The following CDH10 variants were observed in gnomAD, a reference collection of about 807,000 sequenced individuals.
The protein encoded by CDH10 is cadherin 10, also known as cadherin-10.
In CDH10, 30 loss-of-function variants were observed where a neutral mutation model predicts 73.1. The ratio of observed to expected loss-of-function variants is 0.41; its 90% CI spans 0.31 to 0.56. The LOEUF (loss-of-function observed/expected upper bound fraction) is 0.56. Among genes scored for constraint, CDH10 ranks in the 20% least tolerant of loss-of-function variants. The pLI is 0.27. For synonymous variants in CDH10, 345 were observed against 348.2 expected, an observed-to-expected ratio of 0.99 and a Z score of 0.10; for missense variants, 815 against 973.7, an observed-to-expected ratio of 0.84 and a Z score of 2.17.
At chr5:24,493,608 T>A (rs981866145) in intron 9 of CDH10, among the ~76,000 whole-genome samples, 1 of 152,058 alleles carries the variant, frequency 6.6e-6, no homozygotes, top group East Asian at 1.9e-4. Context: ...GATTAACTAA[T>A]ATACAAATAT....
At chr5:24,541,415 C>G (rs1418528352) in intron 2 of CDH10, among the ~76,000 whole-genome samples, 1 of 151,968 alleles carries the variant, frequency 6.6e-6, no homozygotes, top group East Asian at 1.9e-4. Context: ...GAGTAATGAT[C>G]AGACAAGGGT....
At chr5:24,491,421 A>G (rs1474843824) in intron 11 of CDH10, among the ~76,000 whole-genome samples, 155 bp downstream of exon 11, 1 of 152,172 alleles carries the variant, frequency 6.6e-6, no homozygotes, top group Non-Finnish European at 1.5e-5. Context: ...ATTCCGATCA[A>G]ATAAAGTATT....
At chr5:24,573,377 G>A (rs1745467709) in intron 2 of CDH10, among the ~76,000 whole-genome samples, 1 of 151,962 alleles carries the variant, frequency 6.6e-6, no homozygotes, top group Non-Finnish European at 1.5e-5. Flanking sequence ...TTGTTTCCAA[G>A]AGTACCAGAA....
chr5:24,554,473 CGTGTGTGTGTGTGTGTGT>C (rs70965612), intron 2 of CDH10, among the ~76,000 whole-genome samples: 15 of 149,442 alleles, frequency 1.0e-4, no homozygotes, highest in East Asian at 2.0e-4. Flanking sequence ...TCTCCCTATT[CGTGTGTGTGTGTGTGTGT>C]GTGTGTGTGT....
intron 1 of CDH10, among the ~76,000 whole-genome samples, chr5:24,625,889 T>G (rs983369178): frequency 2.0e-5 from 3 of 151,966 alleles, no homozygotes; most frequent in Admixed American, 6.6e-5. Context: ...GTAATCATGA[T>G]CTGAAAAAAT....
At chr5:24,575,357 A>AC (rs375301893) in intron 2 of CDH10, among the ~76,000 whole-genome samples, 16,918 of 143,826 alleles carry the variant, frequency 0.12, 926 homozygotes, top group Admixed American at 0.16. Flanking sequence ...AAAAACAACA[A>AC]AAAAAAAAAA....
At chr5:24,574,177 C>T (rs866249632) in intron 2 of CDH10, among the ~76,000 whole-genome samples, 1 of 152,142 alleles carries the variant, frequency 6.6e-6, no homozygotes, top group African/African-American at 2.4e-5. Context: ...TGAGCCACTG[C>T]GCCCGGCCTA....
chr5:24,521,953 G>T (rs1743347806), intron 5 of CDH10, among the ~76,000 whole-genome samples: 1 of 152,016 alleles, frequency 6.6e-6, no homozygotes, highest in Non-Finnish European at 1.5e-5. Context: ...GGCCAATATG[G>T]TGAAACCCTG....
chr5:24,628,387 T>C (rs1747580883), intron 1 of CDH10, among the ~76,000 whole-genome samples: 1 of 152,120 alleles, frequency 6.6e-6, no homozygotes, highest in East Asian at 1.9e-4. Context: ...GGAGACAAAC[T>C]GCAGACACCA....
intron 1 of CDH10, among the ~76,000 whole-genome samples, chr5:24,608,291 GT>G (rs112136844): frequency 1.2e-4 from 18 of 151,064 alleles, no homozygotes; most frequent in East Asian, 5.8e-4. Context: ...CATTTTGAAT[GT>G]TTTTTTTTAT....
chr5:24,519,394 A>G (rs1036177751), intron 5 of CDH10, among the ~76,000 whole-genome samples: 12 of 152,198 alleles, frequency 7.9e-5, no homozygotes, highest in Non-Finnish European at 1.8e-4. Flanking sequence ...TCAAACTAAA[A>G]CCTTCTATAA....
chr5:24,535,020 A>G, intron 5 of CDH10, 92 bp downstream of exon 5: 1 of 1,157,748 alleles, frequency 8.6e-7, no homozygotes, highest in Non-Finnish European at 1.2e-6. Flanking sequence ...TAAATGAATG[A>G]CAATTGCTTT....
intron 9 of CDH10, among the ~76,000 whole-genome samples, chr5:24,495,547 C>G (rs1742241193): frequency 6.6e-6 from 1 of 152,040 alleles, no homozygotes; most frequent in South Asian, 2.1e-4. Context: ...TTCCTTTGTG[C>G]TAGTAAAATG....
At chr5:24,597,654 G>T (rs1297525244) in intron 1 of CDH10, among the ~76,000 whole-genome samples, 1 of 151,864 alleles carries the variant, frequency 6.6e-6, no homozygotes, top group Non-Finnish European at 1.5e-5. Context: ...GTCTCACTGG[G>T]TCTCATTTCA....
At chr5:24,595,256 A>G (rs1746331938) in intron 1 of CDH10, among the ~76,000 whole-genome samples, 1 of 151,810 alleles carries the variant, frequency 6.6e-6, no homozygotes, top group Non-Finnish European at 1.5e-5. Context: ...CATTATAAGT[A>G]CTCCTGCTTT....
chr5:24,626,212 C>T (rs951708977), intron 1 of CDH10, among the ~76,000 whole-genome samples: 2 of 152,056 alleles, frequency 1.3e-5, no homozygotes, highest in Admixed American at 1.3e-4. Flanking sequence ...TGAATAGGCA[C>T]TGGGAGCTAA....
chr5:24,600,199 A>G (rs1196759904), intron 1 of CDH10, among the ~76,000 whole-genome samples: 3 of 152,214 alleles, frequency 2.0e-5, no homozygotes, highest in Non-Finnish European at 4.4e-5. Flanking sequence ...AATATAGAAT[A>G]TAGAATCCGA....
intron 2 of CDH10, among the ~76,000 whole-genome samples, chr5:24,572,935 G>GAAAAAAAAAAAA (rs55946839): frequency 1.2e-4 from 9 of 72,110 alleles, no homozygotes; most frequent in Non-Finnish European, 1.8e-4. Flanking sequence ...CTTAGAAAAA[G>GAAAAAAAAAAAA]AAAAAAAAAA....
At chr5:24,637,482 T>G (rs1400867961) in intron 1 of CDH10, among the ~76,000 whole-genome samples, 1 of 151,952 alleles carries the variant, frequency 6.6e-6, no homozygotes, top group Non-Finnish European at 1.5e-5. Context: ...TAAATTATAT[T>G]ACATTTAATT....
Sources: gnomAD v4.1 joint callset for allele counts (sites outside exome capture counted in the v4.1 genomes callset) on GRCh38, gnomAD v4.1.1 for gene constraint, MANE v1.5 for transcripts, NCBI Gene and HGNC (gene_info 2026-07-23, HGNC 2026-07-21) for gene names.